Variants in TRPS1 observed in about 807,000 individuals in gnomAD.
TRPS1 encodes transcriptional repressor GATA binding 1.
In TRPS1, 6 loss-of-function variants were observed where a neutral mutation model predicts 101.2. That is an observed-to-expected ratio of 0.06 (90% CI 0.03 to 0.12). The LOEUF (loss-of-function observed/expected upper bound fraction) is 0.12, where lower values mean the gene tolerates loss of function less well. Among genes scored for constraint, TRPS1 ranks in the 10% least tolerant of loss-of-function variants. The probability of loss-of-function intolerance (pLI) is 1.00; values close to 1 mark genes in which losing one functional copy is unlikely to be tolerated. For missense variants in TRPS1, 1,363 were observed against 1,567.0 expected (o/e 0.87, Z 2.20); for synonymous variants, 578 against 589.8 (o/e 0.98, Z 0.29).
intron 1 of TRPS1, among the ~76,000 whole-genome samples, chr8:115,638,424 T>C (rs183777463): frequency 4.3e-4 from 65 of 152,258 alleles, no homozygotes; most frequent in Non-Finnish European, 7.2e-4. Flanking sequence ...ATAGGTTGAT[T>C]TGTGAATTTG....
intron 5 of TRPS1, among the ~76,000 whole-genome samples, chr8:115,526,316 G>T (rs1052959406): frequency 1.3e-5 from 2 of 152,018 alleles, no homozygotes; most frequent in African/African-American, 2.4e-5. Flanking sequence ...TCAAAAAAAA[G>T]AAAGGAGATA....
intron 5 of TRPS1, among the ~76,000 whole-genome samples, chr8:115,585,381 T>A (rs770052834): frequency 6.6e-6 from 1 of 152,166 alleles, no homozygotes; most frequent in African/African-American, 2.4e-5. Context: ...GAAAAGGTAA[T>A]ATTCCAGAAA....
intron 5 of TRPS1, among the ~76,000 whole-genome samples, chr8:115,544,058 G>A (rs1014321727): frequency 6.6e-6 from 1 of 151,530 alleles, no homozygotes; most frequent in African/African-American, 2.4e-5. Context: ...CTCCTATCAA[G>A]AAATGTAAAG....
intron 5 of TRPS1, among the ~76,000 whole-genome samples, chr8:115,446,714 T>C (rs1813746599): frequency 6.6e-6 from 1 of 152,154 alleles, no homozygotes; most frequent in Non-Finnish European, 1.5e-5. Context: ...AAAGAATTTA[T>C]AGATAACAAT....
At position 115,540,480 on chromosome 8, in the gene TRPS1, G is replaced by A. The variant is rs560810382; in HGVS notation, c.2700+46521C>T. On this transcript the variant is annotated intron_variant, in intron 5 of 6. Transcript: ENST00000395715. ...TCTCAGAAAAATAAAAAGGATTCTT[G>A]AAGAGGTGAATAAAAAGATCTTGAG... 4.6e-5 allele frequency among the ~76,000 whole-genome samples: 7 copies of A among 152,138 alleles called. No individual in the cohort carries two copies. In the South Asian group the frequency reaches 1.4e-3, roughly 32 times the overall value.
intron 3 of TRPS1, among the ~76,000 whole-genome samples, chr8:115,606,729 G>T (rs1418818780): frequency 7.0e-6 from 1 of 143,608 alleles, no homozygotes; most frequent in Non-Finnish European, 1.5e-5. Flanking sequence ...TCATAATACT[G>T]AAATATAATT....
chr8:115,512,449 GACA>G (rs1815609463), intron 5 of TRPS1, among the ~76,000 whole-genome samples: 1 of 151,430 alleles, frequency 6.6e-6, no homozygotes, highest in Non-Finnish European at 1.5e-5. Context: ...ATTGTTCTTA[GACA>G]ACTATTTCTA....
At chr8:115,452,439 T>A (rs1314305584) in intron 5 of TRPS1, among the ~76,000 whole-genome samples, 1 of 152,222 alleles carries the variant, frequency 6.6e-6, no homozygotes, top group Non-Finnish European at 1.5e-5. Context: ...AAATATATTA[T>A]GTATTATATA....
At chr8:115,431,488 C>T (rs1813318067) in intron 5 of TRPS1, among the ~76,000 whole-genome samples, 2 of 152,052 alleles carry the variant, frequency 1.3e-5, no homozygotes, top group African/African-American at 4.8e-5. Flanking sequence ...TCTTTCTTTC[C>T]TATTCTCTCC....
chr8:115,529,233 G>A (rs1816073072), intron 5 of TRPS1, among the ~76,000 whole-genome samples: 1 of 152,038 alleles, frequency 6.6e-6, no homozygotes, highest in Admixed American at 6.6e-5. Flanking sequence ...CAGAAATGGT[G>A]TACATGCCAG....
In TRPS1 at chr8:115,413,592, G is replaced by A. The variant is rs571331846; in HGVS notation, c.*431C>T. 2.7e-4 allele frequency: 42 copies of A among 156,360 alleles called. No individual in the cohort carries two copies. In the East Asian group the frequency reaches 5.0e-3, roughly 18 times the overall value. The allele number at this position is 156,360 out of a possible 1,614,324, so 9.7% of individuals were successfully genotyped here. On this transcript the variant is annotated 3_prime_UTR_variant, in exon 7 of 7. Coordinates refer to ENST00000395715, the MANE Select transcript of TRPS1 (RefSeq NM_014112.5). ...GGTTTCATGATCATTATAAATTTAG[G>A]CAACAATTTATGGGTTTTGGAACAA...
At chr8:115,608,909 G>T (rs1283623514) in intron 3 of TRPS1, among the ~76,000 whole-genome samples, 1 of 147,228 alleles carries the variant, frequency 6.8e-6, no homozygotes, top group Non-Finnish European at 1.5e-5. Flanking sequence ...GCAATGTCAC[G>T]ATCTCCGCTC....
At chr8:115,499,996 GTAT>G (rs1480300606) in intron 5 of TRPS1, among the ~76,000 whole-genome samples, 2 of 116,678 alleles carry the variant, frequency 1.7e-5, no homozygotes, top group African/African-American at 3.6e-5. Context: ...TTCTTTTCTA[GTAT>G]TATTTCTGAA....
At chr8:115,430,093 A>G (rs554380165) in intron 5 of TRPS1, among the ~76,000 whole-genome samples, 1 of 152,288 alleles carries the variant, frequency 6.6e-6, no homozygotes, top group South Asian at 2.1e-4. Context: ...CACATTTACA[A>G]ATTTACCCCA....
chr8:115,480,479 T>C (rs1252680812), intron 5 of TRPS1, among the ~76,000 whole-genome samples: 1 of 152,140 alleles, frequency 6.6e-6, no homozygotes. Context: ...GAATAAATGT[T>C]AATAAGGCAT....
chr8:115,437,397 T>C (rs1813482787), intron 5 of TRPS1, among the ~76,000 whole-genome samples: 2 of 152,234 alleles, frequency 1.3e-5, no homozygotes. Context: ...ATAAAAGCCC[T>C]TGTGGCCAGC....
chr8:115,607,217 G>A (rs1280586153), intron 3 of TRPS1, among the ~76,000 whole-genome samples: 1 of 152,034 alleles, frequency 6.6e-6, no homozygotes. Context: ...TTATTACTAA[G>A]CATCCCAACA....
intron 1 of TRPS1, among the ~76,000 whole-genome samples, chr8:115,666,015 G>A (rs1288751176): frequency 6.6e-6 from 1 of 152,132 alleles, no homozygotes; most frequent in African/African-American, 2.4e-5. Context: ...GCTTCAGAAG[G>A]CCTCACATTC....
At chr8:115,561,539 AAAC>A (rs1168774039) in intron 5 of TRPS1, among the ~76,000 whole-genome samples, 2 of 151,926 alleles carry the variant, frequency 1.3e-5, no homozygotes, top group Non-Finnish European at 2.9e-5. Context: ...GGGCATGTAG[AAAC>A]AACAACAACA....
Sources: gnomAD v4.1 joint callset for allele counts (sites outside exome capture counted in the v4.1 genomes callset) on GRCh38, gnomAD v4.1.1 for gene constraint, MANE v1.5 for transcripts, NCBI Gene and HGNC (gene_info 2026-07-23, HGNC 2026-07-21) for gene names.